The following CSRP3 variants were observed in gnomAD, a reference collection of about 807,000 sequenced individuals.
CSRP3 encodes cysteine and glycine-rich protein 3.
In CSRP3, 24 loss-of-function variants were observed where a neutral mutation model predicts 24.3. The ratio of observed to expected loss-of-function variants is 0.99; its 90% CI spans 0.71 to 1.39. The LOEUF (loss-of-function observed/expected upper bound fraction) is 1.39. Among genes scored for constraint, CSRP3 ranks in the 40% most tolerant of loss-of-function variants. The pLI is 0.00. For missense variants in CSRP3, 240 were observed against 249.0 expected (o/e 0.96, Z 0.24); for synonymous variants, 105 against 94.0 (o/e 1.12, Z -0.68).
At position 19,182,120 on chromosome 11, in the gene CSRP3, A is replaced by G. The variant is rs1281870288; in HGVS notation, c.*550T>C. On this transcript the variant is annotated 3_prime_UTR_variant, in exon 6 of 6. Coordinates refer to ENST00000265968, the MANE Select transcript of CSRP3 (RefSeq NM_003476.5). ...ACATTACAAAGCCCCACGATAGGAC[A>G]AAGGGATCAACTCTTCAGCAATTTT... 6.3e-6 allele frequency: 1 copy of G among 158,462 alleles called. No individual in the cohort carries two copies. The highest frequency in any genetic ancestry group is 1.4e-5 in the Non-Finnish European group (1 of 71,366). 9.8% of individuals were successfully genotyped at this position (158,462 alleles called of 1,614,324 possible).
chr11:19,188,089 A>G, intron 3 of CSRP3, 47 bp downstream of exon 3: 1 of 1,609,396 alleles, frequency 6.2e-7, no homozygotes. Flanking sequence ...AACTGTCCTG[A>G]TAATTGGAGA....
At chr11:19,197,501 C>CTCTTTCTTTCTT (rs747850845) in intron 1 of CSRP3, among the ~76,000 whole-genome samples, 3,107 of 67,064 alleles carry the variant, frequency 0.046, 211 homozygotes, top group Middle Eastern at 0.092. Flanking sequence ...CCCTCTTTTC[C>CTCTTTCTTTCTT]TCTTTCTTTC....
At chr11:19,187,434 C>T (rs1214542685) in intron 3 of CSRP3, among the ~76,000 whole-genome samples, 1 of 152,178 alleles carries the variant, frequency 6.6e-6, no homozygotes, top group Non-Finnish European at 1.5e-5. Context: ...AGCCTGGAGG[C>T]CAGCTGGCCA....
intron 3 of CSRP3, among the ~76,000 whole-genome samples, chr11:19,186,869 T>C (rs1193006333): frequency 1.3e-5 from 2 of 152,168 alleles, no homozygotes; most frequent in African/African-American, 2.4e-5. Flanking sequence ...CCTCCAAGGG[T>C]CACCTGTCCC....
chr11:19,183,285 A>G (rs1329717846), intron 5 of CSRP3, among the ~76,000 whole-genome samples: 1 of 152,214 alleles, frequency 6.6e-6, no homozygotes, highest in African/African-American at 2.4e-5. Flanking sequence ...GTGTTTGCAG[A>G]TATTTTCTCA....
At chr11:19,196,518 A>G (rs971765146) in intron 1 of CSRP3, among the ~76,000 whole-genome samples, 6 of 152,298 alleles carry the variant, frequency 3.9e-5, no homozygotes, top group African/African-American at 1.2e-4. Context: ...GTCCTGGCTT[A>G]TGAACATAAC....
chr11:19,193,284 T>G (rs1490740159), intron 1 of CSRP3, among the ~76,000 whole-genome samples: 1 of 152,188 alleles, frequency 6.6e-6, no homozygotes, highest in Non-Finnish European at 1.5e-5. Context: ...AGTTATTCTT[T>G]TCCCTGCTGC....
intron 1 of CSRP3, among the ~76,000 whole-genome samples, chr11:19,196,291 G>A (rs768682041): frequency 2.0e-5 from 3 of 152,056 alleles, no homozygotes; most frequent in East Asian, 1.9e-4. Context: ...AAATAAAAAG[G>A]CATTCGGAAT....
chr11:19,193,259 T>C (rs905352101), intron 1 of CSRP3, among the ~76,000 whole-genome samples: 3 of 152,186 alleles, frequency 2.0e-5, no homozygotes, highest in Non-Finnish European at 4.4e-5. Context: ...TTTATACCTG[T>C]TTTCCCACCT....
intron 1 of CSRP3, among the ~76,000 whole-genome samples, chr11:19,200,138 C>T (rs1264125500): frequency 2.6e-5 from 4 of 152,198 alleles, no homozygotes; most frequent in Non-Finnish European, 4.4e-5. Flanking sequence ...CTTTTCTCAA[C>T]GTTCTCACAT....
At chr11:19,184,834 G>A (rs1850498160) in intron 5 of CSRP3, 118 bp downstream of exon 5, 1 of 810,814 alleles carries the variant, frequency 1.2e-6, no homozygotes, top group South Asian at 1.4e-5. Flanking sequence ...CGCTGCCCAG[G>A]CTGAGCAGCC....
At position 19,182,593 on chromosome 11, in the gene CSRP3, G is replaced by T; in HGVS notation, c.*77C>A. 1.7e-6 allele frequency: 2 copies of T among 1,176,072 alleles called. No individual in the cohort carries two copies. The highest frequency in any genetic ancestry group is 2.6e-6 in the Non-Finnish European group (2 of 780,026). The allele number at this position is 1,176,072 out of a possible 1,614,324, so 72.9% of individuals were successfully genotyped here. On this transcript the variant is annotated 3_prime_UTR_variant, in exon 6 of 6. Transcript: ENST00000265968. ...CGACTACAAAGGAGAGGCTATTTGG[G>T]GAAAGGTATCGATCTGTGCAGGATT...
At chr11:19,201,056 G>C (rs1229521717) in intron 1 of CSRP3, among the ~76,000 whole-genome samples, 2 of 152,148 alleles carry the variant, frequency 1.3e-5, no homozygotes, top group Non-Finnish European at 2.9e-5. Context: ...CGGCAGCTTG[G>C]ATCTTTCAGC....
chr11:19,188,729 G>A (rs1850572545), intron 2 of CSRP3, among the ~76,000 whole-genome samples: 1 of 151,832 alleles, frequency 6.6e-6, no homozygotes, highest in Non-Finnish European at 1.5e-5. Flanking sequence ...AAAAGAATCA[G>A]GATTGAGCAC....
intron 2 of CSRP3, among the ~76,000 whole-genome samples, chr11:19,191,379 T>A (rs1477038659): frequency 6.6e-6 from 1 of 151,968 alleles, no homozygotes; most frequent in African/African-American, 2.4e-5. Flanking sequence ...AGCATGGGGG[T>A]GCTGGCATGG....
At chr11:19,197,560 T>TTTCC in intron 1 of CSRP3, among the ~76,000 whole-genome samples, 1 of 142,102 alleles carries the variant, frequency 7.0e-6, no homozygotes, top group Non-Finnish European at 1.5e-5. Flanking sequence ...TCTTTCTTTC[T>TTTCC]TTCTTTCTTT....
intron 3 of CSRP3, among the ~76,000 whole-genome samples, chr11:19,187,702 C>G (rs778606561): frequency 6.6e-6 from 1 of 152,196 alleles, no homozygotes; most frequent in Non-Finnish European, 1.5e-5. Flanking sequence ...CTCCCCCTGC[C>G]ATGTGGACGT....
Position 19,188,565 on chromosome 11 carries a change from G to A in CSRP3, c.113-261C>T, listed in dbSNP as rs10766530. On this transcript the variant is annotated intron_variant, in intron 2 of 5. Coordinates refer to ENST00000265968, the MANE Select transcript of CSRP3 (RefSeq NM_003476.5). ...CATTAGAACGAGATATATAGTCTCA[G>A]ACCTGCTAAGGACTGCATCCCTGAG... is the stretch of plus-strand genomic sequence containing the variant. Among the ~76,000 whole-genome samples the A allele has an allele frequency of 0.17, 25,798 of 151,156 alleles. 2,334 individuals carry two copies. The highest frequency in any genetic ancestry group is 0.21 in the African/African-American group (8,539 of 41,146).
At chr11:19,184,181 C>T (rs1471763017) in intron 5 of CSRP3, among the ~76,000 whole-genome samples, 1 of 152,192 alleles carries the variant, frequency 6.6e-6, no homozygotes, top group Non-Finnish European at 1.5e-5. Context: ...TCCATTGCTC[C>T]TCTCACTTCA....
Sources: allele counts gnomAD v4.1 joint callset (sites outside exome capture counted in the v4.1 genomes callset), GRCh38; gene constraint gnomAD v4.1.1; transcripts MANE v1.5; gene names NCBI Gene and HGNC (gene_info 2026-07-23, HGNC 2026-07-21).